Variants in SOX5 observed in about 807,000 individuals in gnomAD.
SOX5 encodes the protein SRY-box transcription factor 5, also known as transcription factor SOX-5.
Under a neutral mutation model 92.0 loss-of-function variants are expected in SOX5, and 9 were observed. That is an observed-to-expected ratio of 0.10 (90% CI 0.06 to 0.17). SOX5 has a LOEUF of 0.17. Ranked by LOEUF, SOX5 falls within the 10% of genes least tolerant of loss-of-function variation. The pLI, the probability that SOX5 is intolerant of heterozygous loss-of-function variation, is 1.00. For synonymous variants in SOX5, 344 were observed against 336.3 expected (o/e 1.02, Z -0.25); for missense variants, 642 against 944.5 (o/e 0.68, Z 4.20).
intron 1 of SOX5, among the ~76,000 whole-genome samples, chr12:23,922,570 A>G (rs1332395482): frequency 3.3e-5 from 5 of 152,212 alleles, no homozygotes; most frequent in African/African-American, 1.2e-4. Flanking sequence ...CTTCATATGC[A>G]CAGGTGAAGT....
At chr12:23,727,757 G>A (rs1174124152) in intron 6 of SOX5, among the ~76,000 whole-genome samples, 1 of 152,112 alleles carries the variant, frequency 6.6e-6, no homozygotes, top group Non-Finnish European at 1.5e-5. Context: ...TAAATTTTTT[G>A]ATAGAGAAGT....
At chr12:23,858,315 C>G (rs1057227308) in intron 2 of SOX5, among the ~76,000 whole-genome samples, 3 of 151,988 alleles carry the variant, frequency 2.0e-5, no homozygotes, top group Non-Finnish European at 4.4e-5. Context: ...GGTCTAAAAT[C>G]CAGCATCTAT....
chr12:24,087,061 A>T lies in SOX5; in HGVS notation c.-2+126282T>A, dbSNP rs555281855. Among the ~76,000 whole-genome samples, 43 of 152,124 alleles carry T rather than the reference A, an allele frequency of 2.8e-4. No homozygotes were observed. The South Asian group carries it at 8.7e-3, about 31-fold the overall frequency. ...AATTATTTAAATATATGTTTAATTA[A>T]CTCAGTACTAAGGGCTCATGCATAT... On this transcript the variant is annotated intron_variant, in intron 4 of 4. Coordinates refer to the SOX5 transcript ENST00000446891.
intron 1 of SOX5, among the ~76,000 whole-genome samples, chr12:23,910,787 G>A (rs2097343055): frequency 6.6e-6 from 1 of 151,974 alleles, no homozygotes; most frequent in Non-Finnish European, 1.5e-5. Context: ...TTTTTTAGAT[G>A]GGGTAAAATG....
chr12:24,337,340 C>CTTTTTTTTTTTT, intron 2 of SOX5, among the ~76,000 whole-genome samples: 1 of 143,224 alleles, frequency 7.0e-6, no homozygotes, highest in South Asian at 2.2e-4. Flanking sequence ...TCTGATTTTT[C>CTTTTTTTTTTTT]TTTTTTTTTT....
intron 4 of SOX5, among the ~76,000 whole-genome samples, chr12:24,034,433 C>T (rs927445937): frequency 2.0e-5 from 3 of 152,056 alleles, no homozygotes; most frequent in South Asian, 2.1e-4. Context: ...CAATTAGTTC[C>T]GACTGCCGTG....
chr12:24,328,005 T>C (rs1368580162), intron 2 of SOX5, among the ~76,000 whole-genome samples: 2 of 152,148 alleles, frequency 1.3e-5, no homozygotes, highest in African/African-American at 2.4e-5. Flanking sequence ...ATAGAGACTT[T>C]TGAATGTGAG....
At chr12:24,259,245 C>A (rs1046082349) in intron 3 of SOX5, among the ~76,000 whole-genome samples, 4 of 151,822 alleles carry the variant, frequency 2.6e-5, no homozygotes, top group African/African-American at 9.7e-5. Flanking sequence ...AGCAAGTGAG[C>A]GAGAGAGAGA....
At chr12:24,053,827 A>C (rs1193101475) in intron 4 of SOX5, among the ~76,000 whole-genome samples, 1 of 152,198 alleles carries the variant, frequency 6.6e-6, no homozygotes, top group African/African-American at 2.4e-5. Flanking sequence ...ACTTTGTACT[A>C]GGTACTTTAT....
At chr12:23,731,793 A>C (rs961968221) in intron 6 of SOX5, among the ~76,000 whole-genome samples, 3 of 152,328 alleles carry the variant, frequency 2.0e-5, no homozygotes, top group African/African-American at 7.2e-5. Context: ...CAAACATTTT[A>C]AAGGCATTCT....
intron 1 of SOX5, among the ~76,000 whole-genome samples, chr12:24,513,251 T>A (rs956583093): frequency 6.6e-6 from 1 of 152,246 alleles, no homozygotes; most frequent in African/African-American, 2.4e-5. Flanking sequence ...GTGTATTAAA[T>A]GTGTTTTCAA....
intron 1 of SOX5, among the ~76,000 whole-genome samples, chr12:24,468,321 G>A (rs1944437179): frequency 6.6e-6 from 1 of 152,216 alleles, no homozygotes; most frequent in Non-Finnish European, 1.5e-5. Flanking sequence ...TTCCTTATCT[G>A]TAAAATGGGG....
chr12:24,440,615 TGTGTGTGTGTGTGTGTGTGTGTGTGA>T (rs1940363493), intron 1 of SOX5, among the ~76,000 whole-genome samples: 1 of 149,088 alleles, frequency 6.7e-6, no homozygotes, highest in Non-Finnish European at 1.5e-5. Context: ...TGTGTGTGTG[TGTGTGTGTGTGTGTGTGTGTGTGTGA>T]AGAACAGAAG....
At chr12:23,862,074 G>A (rs2096762651) in intron 2 of SOX5, among the ~76,000 whole-genome samples, 1 of 152,130 alleles carries the variant, frequency 6.6e-6, no homozygotes, top group African/African-American at 2.4e-5. Context: ...AAGAGGAAAT[G>A]AAAGGGTTGT....
At chr12:24,361,226 C>G (rs748443408) in intron 2 of SOX5, among the ~76,000 whole-genome samples, 1 of 152,148 alleles carries the variant, frequency 6.6e-6, no homozygotes, top group Non-Finnish European at 1.5e-5. Context: ...AAAAACAATG[C>G]AGATCCCATT....
intron 6 of SOX5, among the ~76,000 whole-genome samples, chr12:23,669,645 A>AG (rs35319489): frequency 0.48 from 72,123 of 149,984 alleles, 17,441 homozygotes; most frequent in Admixed American, 0.54. Context: ...ATGGATGAGG[A>AG]GAAAAAAAAA....
intron 1 of SOX5, among the ~76,000 whole-genome samples, chr12:23,941,857 AG>A (rs1943710753): frequency 6.6e-6 from 1 of 151,610 alleles, no homozygotes; most frequent in African/African-American, 2.4e-5. Flanking sequence ...ATAAGAAAAA[AG>A]GAAGGAAATA....
At chr12:23,960,545 AT>A (rs1946812042) in intron 4 of SOX5, among the ~76,000 whole-genome samples, 2 of 137,472 alleles carry the variant, frequency 1.5e-5, no homozygotes, top group Non-Finnish European at 3.2e-5. Context: ...ATATATATAT[AT>A]GAAGTCAGTT....
intron 3 of SOX5, among the ~76,000 whole-genome samples, chr12:24,260,569 T>C (rs1310157242): frequency 6.6e-6 from 1 of 152,206 alleles, no homozygotes; most frequent in Non-Finnish European, 1.5e-5. Context: ...TGGTTACTTT[T>C]CTAACAGAGC....
Sources: gnomAD v4.1 joint callset for allele counts (sites outside exome capture counted in the v4.1 genomes callset) on GRCh38, gnomAD v4.1.1 for gene constraint, MANE v1.5 for transcripts, NCBI Gene and HGNC (gene_info 2026-07-23, HGNC 2026-07-21) for gene names.